SLA: variants seen among roughly 807,000 people sequenced by gnomAD.
The protein encoded by SLA is src-like-adapter.
In SLA, 16 loss-of-function variants were observed where a neutral mutation model predicts 30.3. The observed-to-expected ratio is 0.53, with a 90% CI of 0.36 to 0.80. The LOEUF (loss-of-function observed/expected upper bound fraction) is 0.80, where lower values mean the gene tolerates loss of function less well. Ranked by LOEUF, SLA falls within the 30% of genes least tolerant of loss-of-function variation. SLA has a pLI of 0.01. For missense variants in SLA, 310 were observed against 345.2 expected (o/e 0.90, Z 0.81); for synonymous variants, 143 against 137.8 (o/e 1.04, Z -0.26).
chr8:133,079,343 A>G (rs17702843), intron 1 of SLA, among the ~76,000 whole-genome samples: 25,185 of 152,260 alleles, frequency 0.17, 2,395 homozygotes, highest in East Asian at 0.21. Context: ...AATGCCAGCC[A>G]TGCAAGGATT....
At chr8:133,045,181 A>G (rs1587860553) in intron 6 of SLA, 66 bp from the exon 7 acceptor site, 2 of 1,580,260 alleles carry the variant, frequency 1.3e-6, no homozygotes, top group East Asian at 4.5e-5. Flanking sequence ...CCAGCTAACC[A>G]GCCCACCACC....
chr8:133,088,829 C>T (rs1847028922), intron 1 of SLA, among the ~76,000 whole-genome samples: 2 of 152,074 alleles, frequency 1.3e-5, no homozygotes, highest in African/African-American at 4.8e-5. Context: ...GGAAGTTTTG[C>T]CAAAACTGAA....
intron 1 of SLA, chr8:133,096,200 A>G (rs748649100): frequency 1.2e-6 from 2 of 1,614,096 alleles, no homozygotes; most frequent in Non-Finnish European, 8.5e-7. Flanking sequence ...GTTGCATCCA[A>G]TGCAGCTCCT....
At position 133,047,964 on chromosome 8, in the gene SLA, C is replaced by A. The variant is rs374634120; in HGVS notation, c.249-31G>T. ...AAGGAGGAAGACAGCCATTAGGATC[C>A]GGAACAAGCCCTCCCCCAGGAAAGG... On this transcript the variant is annotated intron_variant, in intron 5 of 8. Coordinates refer to ENST00000338087, the MANE Select transcript of SLA (RefSeq NM_001045556.3). 9.0e-4 allele frequency: 1,241 copies of A among 1,374,734 alleles called. 11 individuals carry two copies. The highest frequency in any genetic ancestry group is 1.2e-3 in the Admixed American group (71 of 58,436). 85.2% of individuals were successfully genotyped at this position (1,374,734 alleles called of 1,614,324 possible). A position where few individuals can be genotyped will look rare whatever the true frequency, so the allele number is the denominator to read the frequency against.
intron 1 of SLA, chr8:133,087,832 C>T (rs1429598689): frequency 6.6e-6 from 1 of 152,110 alleles, no homozygotes; most frequent in Non-Finnish European, 1.5e-5. Flanking sequence ...GTCACGTGAC[C>T]TCCTCCAGCT....
rs1385276501 is a variant in SLA, at chr8:133,036,730, C to A, written c.*1794G>T. ...TCAACCCAGAAACTCTCCCTGTGTGCCAAGGGTTAAATATTTATTAGGTTT... is the reference window on the plus strand; with the variant it reads ...TCAACCCAGAAACTCTCCCTGTGTGACAAGGGTTAAATATTTATTAGGTTT... On this transcript the variant is annotated 3_prime_UTR_variant, in exon 9 of 9. Coordinates refer to ENST00000338087, the MANE Select transcript of SLA (RefSeq NM_001045556.3). The A allele has an allele frequency of 6.6e-6, 1 of 152,570 alleles. No homozygotes were observed. Among genetic ancestry groups the A allele is most frequent in the Non-Finnish European group, 1.5e-5 (1 of 68,028 alleles). The allele number at this position is 152,570 out of a possible 1,614,324, so 9.5% of individuals were successfully genotyped here.
At chr8:133,066,300 T>C (rs1284660149) in intron 2 of SLA, among the ~76,000 whole-genome samples, 3 of 118,290 alleles carry the variant, frequency 2.5e-5, no homozygotes, top group African/African-American at 1.0e-4. Flanking sequence ...CACTCCAACC[T>C]GGGTGACAGA....
intron 1 of SLA, among the ~76,000 whole-genome samples, chr8:133,085,264 G>T (rs1846341369): frequency 6.6e-6 from 1 of 152,220 alleles, no homozygotes; most frequent in Non-Finnish European, 1.5e-5. Context: ...TCTATAGAAT[G>T]CAAGGCAGAA....
At chr8:133,083,044 G>A (rs1276065631) in intron 1 of SLA, among the ~76,000 whole-genome samples, 1 of 152,212 alleles carries the variant, frequency 6.6e-6, no homozygotes, top group Non-Finnish European at 1.5e-5. Flanking sequence ...GGAGAGCGAT[G>A]AGTAGGCAGG....
At chr8:133,092,766 G>T (rs977689124) in intron 1 of SLA, among the ~76,000 whole-genome samples, 2 of 152,256 alleles carry the variant, frequency 1.3e-5, no homozygotes, top group Admixed American at 1.3e-4. Flanking sequence ...CGAGTGCTTT[G>T]TCTCTAATCA....
chr8:133,040,226 C>G, intron 7 of SLA, 96 bp from the exon 8 acceptor site: 2 of 1,369,568 alleles, frequency 1.5e-6, no homozygotes, highest in Non-Finnish European at 2.0e-6. Flanking sequence ...AGCTCCCTGG[C>G]TGCTGCCATG....
chr8:133,049,982 C>A lies in SLA; in HGVS notation c.168G>T (p.Gly56=). Residue 56 remains glycine, a synonymous_variant, in exon 5 of 9, where the codon GGG becomes GGT. Coordinates refer to ENST00000338087, the MANE Select transcript of SLA (RefSeq NM_001045556.3). ...GEKLRVISDE[G]GWWKAISLST... ...TAAGAGAAATAGCTTTCCACCAGCC[C>A]CCTTCACTGTAAGAACAAGAACAGA... The A allele has an allele frequency of 6.2e-7, 1 of 1,610,564 alleles. No homozygotes were observed. The highest frequency in any genetic ancestry group is 8.5e-7 in the Non-Finnish European group (1 of 1,176,740).
At chr8:133,082,964 T>G (rs996292714) in intron 1 of SLA, among the ~76,000 whole-genome samples, 1 of 152,222 alleles carries the variant, frequency 6.6e-6, no homozygotes, top group Admixed American at 6.5e-5. Flanking sequence ...TGAAATCATC[T>G]GTCAGCGCCT....
chr8:133,086,046 G>T (rs773936891), intron 1 of SLA, among the ~76,000 whole-genome samples: 32 of 152,192 alleles, frequency 2.1e-4, no homozygotes, highest in Non-Finnish European at 3.4e-4. Context: ...GCAGCGAAAA[G>T]ATATACACTA....
intron 6 of SLA, chr8:133,047,598 G>C (rs1839667077): frequency 1.8e-6 from 1 of 558,142 alleles, no homozygotes; most frequent in Admixed American, 3.1e-5. Context: ...CATCAGGCCT[G>C]ATGTTGGCCA....
chr8:133,044,523 A>G (rs1191051603), intron 7 of SLA, among the ~76,000 whole-genome samples: 2 of 152,184 alleles, frequency 1.3e-5, no homozygotes, highest in Non-Finnish European at 2.9e-5. Context: ...AACCCTTGGC[A>G]TGCTCTGAGC....
intron 1 of SLA, among the ~76,000 whole-genome samples, chr8:133,075,480 G>T (rs1319434094): frequency 3.3e-5 from 5 of 152,334 alleles, no homozygotes; most frequent in African/African-American, 1.2e-4. Context: ...AACATTATGA[G>T]ATGGCAGTTG....
At chr8:133,067,919 G>GGAAGGAAGGAAGA (rs1587972683) in intron 2 of SLA, among the ~76,000 whole-genome samples, 65 of 85,886 alleles carry the variant, frequency 7.6e-4, no homozygotes, top group African/African-American at 1.0e-3. Flanking sequence ...AGGAAGGAAA[G>GGAAGGAAGGAAGA]AGAGAGAGAG....
At chr8:133,073,567 T>C (rs1261977185) in intron 2 of SLA, among the ~76,000 whole-genome samples, 1 of 152,190 alleles carries the variant, frequency 6.6e-6, no homozygotes, top group African/African-American at 2.4e-5. Flanking sequence ...TGGAGACTAT[T>C]AGTTGCAACA....
Sources: gnomAD v4.1 joint callset for allele counts (sites outside exome capture counted in the v4.1 genomes callset) on GRCh38, gnomAD v4.1.1 for gene constraint, MANE v1.5 for transcripts, NCBI Gene and HGNC (gene_info 2026-07-23, HGNC 2026-07-21) for gene names.